The following GRM8 variants were observed in gnomAD, a reference collection of about 807,000 sequenced individuals.
GRM8 encodes the protein metabotropic glutamate receptor 8.
In GRM8, 47 loss-of-function variants were observed where a neutral mutation model predicts 87.2. That is an observed-to-expected ratio of 0.54 (90% CI 0.43 to 0.69). The LOEUF (loss-of-function observed/expected upper bound fraction) is 0.69. GRM8 is among the 30% of genes least tolerant of loss of function. The pLI, the probability that GRM8 is intolerant of heterozygous loss-of-function variation, is 0.00. For synonymous variants in GRM8, 396 were observed against 404.5 expected (o/e 0.98, Z 0.25); for missense variants, 1,019 against 1,139.2 (o/e 0.89, Z 1.52).
chr7:126,467,718 C>A (rs1804671123), intron 9 of GRM8, among the ~76,000 whole-genome samples: 1 of 151,954 alleles, frequency 6.6e-6, no homozygotes, highest in African/African-American at 2.4e-5. Context: ...GTGTTTATCT[C>A]AGCAAAGGGC....
At chr7:126,881,485 C>T (rs1800017144) in intron 6 of GRM8, among the ~76,000 whole-genome samples, 1 of 152,126 alleles carries the variant, frequency 6.6e-6, no homozygotes, top group African/African-American at 2.4e-5. Context: ...TAGGCCCCAC[C>T]CAAGATAAAC....
intron 7 of GRM8, among the ~76,000 whole-genome samples, chr7:126,761,339 G>C (rs1817574911): frequency 6.6e-6 from 1 of 152,118 alleles, no homozygotes; most frequent in Admixed American, 6.5e-5. Context: ...CATTGGGGAA[G>C]TTAAGATACT....
rs180853994 is a variant in GRM8, at chr7:126,601,303, C to T, written c.1494+8059G>A. On this transcript the variant is annotated intron_variant, in intron 8 of 10. Transcript: ENST00000339582. Reference sequence around the variant, plus strand: ...TGCATAGTATTCCGTGGTGTATATGCGCCATATTTTCTTAATCCAGTCTAT... The same window carrying T: ...TGCATAGTATTCCGTGGTGTATATGTGCCATATTTTCTTAATCCAGTCTAT... Among the ~76,000 whole-genome samples, 635 of 152,074 alleles carry T rather than the reference C, an allele frequency of 4.2e-3. 3 individuals are homozygous for T. Among genetic ancestry groups the T allele is most frequent in the Admixed American group, 7.0e-3 (107 of 15,268 alleles).
At chr7:127,160,624 C>T (rs1587163436) in intron 2 of GRM8, among the ~76,000 whole-genome samples, 1 of 151,970 alleles carries the variant, frequency 6.6e-6, no homozygotes, top group African/African-American at 2.4e-5. Flanking sequence ...TGGAAAGAGG[C>T]GAACTTAGTA....
At chr7:126,596,094 A>T (rs574571890) in intron 8 of GRM8, among the ~76,000 whole-genome samples, 1 of 152,206 alleles carries the variant, frequency 6.6e-6, no homozygotes, top group Non-Finnish European at 1.5e-5. Context: ...ACTGCTCTCC[A>T]GAGTGGGTAA....
At chr7:126,995,780 G>C (rs1048262101) in intron 3 of GRM8, among the ~76,000 whole-genome samples, 5 of 152,090 alleles carry the variant, frequency 3.3e-5, no homozygotes, top group Admixed American at 2.6e-4. Context: ...TAGAGAAAGA[G>C]ATGAGGGTAG....
At chr7:126,898,168 T>G (rs1203117349) in intron 6 of GRM8, among the ~76,000 whole-genome samples, 1 of 152,198 alleles carries the variant, frequency 6.6e-6, no homozygotes, top group Non-Finnish European at 1.5e-5. Context: ...CCTTAACTTT[T>G]TGACTTATTG....
At chr7:127,137,643 T>C (rs17867142) in intron 2 of GRM8, among the ~76,000 whole-genome samples, 1,983 of 152,252 alleles carry the variant, frequency 0.013, 43 homozygotes, top group African/African-American at 0.045. Context: ...ACTTAAAATT[T>C]AAAATTCTTC....
intron 2 of GRM8, among the ~76,000 whole-genome samples, chr7:127,230,658 G>A (rs567600802): frequency 5.3e-5 from 8 of 152,210 alleles, no homozygotes; most frequent in African/African-American, 1.4e-4. Context: ...CCTTGTAAGC[G>A]CCCTTACAAG....
chr7:126,791,102 T>C (rs1302545827), intron 6 of GRM8, among the ~76,000 whole-genome samples: 1 of 152,106 alleles, frequency 6.6e-6, no homozygotes, highest in Admixed American at 6.6e-5. Flanking sequence ...AGAGTGTCAC[T>C]CCCACCCAGA....
intron 2 of GRM8, among the ~76,000 whole-genome samples, chr7:127,125,027 G>GA (rs1031858337): frequency 2.0e-5 from 3 of 152,068 alleles, no homozygotes; most frequent in South Asian, 4.1e-4. Flanking sequence ...GACATCTGTT[G>GA]AAAAAATACA....
At chr7:126,667,924 A>G (rs1805951452) in intron 7 of GRM8, among the ~76,000 whole-genome samples, 1 of 152,234 alleles carries the variant, frequency 6.6e-6, no homozygotes, top group Non-Finnish European at 1.5e-5. Context: ...ACAGACTGCC[A>G]TACTTTTGCT....
At chr7:127,238,595 C>T (rs17866103) in intron 2 of GRM8, among the ~76,000 whole-genome samples, 6 of 152,134 alleles carry the variant, frequency 3.9e-5, no homozygotes, top group South Asian at 2.1e-4. Flanking sequence ...ACCGTACACT[C>T]GAGGTTGAGT....
At chr7:126,958,016 C>T (rs1283719555) in intron 3 of GRM8, among the ~76,000 whole-genome samples, 6 of 152,160 alleles carry the variant, frequency 3.9e-5, no homozygotes, top group Non-Finnish European at 7.4e-5. Flanking sequence ...CTTAGACAGA[C>T]ATTGGGATTA....
chr7:126,474,038 T>C (rs1000199721), intron 9 of GRM8, among the ~76,000 whole-genome samples: 1 of 152,172 alleles, frequency 6.6e-6, no homozygotes, highest in East Asian at 1.9e-4. Flanking sequence ...AATGGACTAA[T>C]GTATCATTTT....
At chr7:127,230,641 G>T (rs1264216669) in intron 2 of GRM8, among the ~76,000 whole-genome samples, 1 of 152,226 alleles carries the variant, frequency 6.6e-6, no homozygotes, top group East Asian at 1.9e-4. Context: ...ACTCATAAGC[G>T]TGGAGCCCTT....
chr7:126,765,205 G>A (rs1346305370), intron 7 of GRM8, among the ~76,000 whole-genome samples: 1 of 152,008 alleles, frequency 6.6e-6, no homozygotes, highest in Non-Finnish European at 1.5e-5. Context: ...TGTGAACCTA[G>A]AAGAAGAGAA....
At chr7:126,801,275 C>A (rs980768806) in intron 6 of GRM8, among the ~76,000 whole-genome samples, 1 of 152,060 alleles carries the variant, frequency 6.6e-6, no homozygotes, top group Non-Finnish European at 1.5e-5. Context: ...ATGCTTCATG[C>A]CGCAATGCCA....
At chr7:127,050,391 T>A (rs145134808) in intron 3 of GRM8, among the ~76,000 whole-genome samples, 5 of 152,300 alleles carry the variant, frequency 3.3e-5, no homozygotes, top group African/African-American at 1.2e-4. Flanking sequence ...TACGAATCCA[T>A]TTCAAGTGTG....
Sources: allele counts gnomAD v4.1 joint callset (sites outside exome capture counted in the v4.1 genomes callset), GRCh38; gene constraint gnomAD v4.1.1; transcripts MANE v1.5; gene names NCBI Gene and HGNC (gene_info 2026-07-23, HGNC 2026-07-21).